DNAJC5: variants seen among roughly 807,000 people sequenced by gnomAD.
DNAJC5 encodes the protein DnaJ heat shock protein family (Hsp40) member C5, also known as dnaJ homolog subfamily C member 5.
Under a neutral mutation model 23.2 loss-of-function variants are expected in DNAJC5, and 1 was observed. The ratio of observed to expected loss-of-function variants is 0.04; its 90% CI spans 0.02 to 0.20. The LOEUF is 0.20. DNAJC5 is among the 10% of genes least tolerant of loss of function. The pLI, the probability that DNAJC5 is intolerant of heterozygous loss-of-function variation, is 1.00. For missense variants in DNAJC5, 180 were observed against 267.0 expected (o/e 0.67, Z 2.27); for synonymous variants, 136 against 120.0 (o/e 1.13, Z -0.87).
chr20:63,907,535 C>T (rs1349675944), intron 1 of DNAJC5, among the ~76,000 whole-genome samples: 1 of 152,190 alleles, frequency 6.6e-6, no homozygotes, highest in Non-Finnish European at 1.5e-5. Context: ...TCAATGGCAG[C>T]TCAGACAGGT....
chr20:63,910,982 G>A (rs377742080), intron 1 of DNAJC5, among the ~76,000 whole-genome samples: 26 of 152,168 alleles, frequency 1.7e-4, no homozygotes, highest in African/African-American at 5.8e-4. Flanking sequence ...TCAATTCTTT[G>A]TATTCAAATG....
At chr20:63,912,954 C>T (rs532218823) in intron 1 of DNAJC5, among the ~76,000 whole-genome samples, 7 of 134,982 alleles carry the variant, frequency 5.2e-5, no homozygotes, top group Non-Finnish European at 6.2e-5. Flanking sequence ...TTAAGATTCC[C>T]CAGCAGGATA....
At chr20:63,908,162 C>G (rs1187875919) in intron 1 of DNAJC5, among the ~76,000 whole-genome samples, 2 of 152,190 alleles carry the variant, frequency 1.3e-5, no homozygotes, top group Admixed American at 1.3e-4. Flanking sequence ...ATTTGACTTT[C>G]GTCATAGTTG....
At chr20:63,919,122 AT>A (rs1460683382) in intron 1 of DNAJC5, among the ~76,000 whole-genome samples, 10 of 152,146 alleles carry the variant, frequency 6.6e-5, no homozygotes, top group Non-Finnish European at 1.5e-4. Context: ...CACGTATTTT[AT>A]TTTATTTTTT....
At chr20:63,924,470 T>G (rs1358990001) in intron 1 of DNAJC5, among the ~76,000 whole-genome samples, 2 of 152,206 alleles carry the variant, frequency 1.3e-5, no homozygotes, top group African/African-American at 4.8e-5. Context: ...CACTGCAGCC[T>G]CGAGCTTCTG....
chr20:63,905,361 C>T (rs2053441358), intron 1 of DNAJC5, among the ~76,000 whole-genome samples: 1 of 152,062 alleles, frequency 6.6e-6, no homozygotes, highest in South Asian at 2.1e-4. Flanking sequence ...AGTGATTGAC[C>T]CACCTCAGCC....
intron 1 of DNAJC5, among the ~76,000 whole-genome samples, chr20:63,897,020 C>T (rs2053380031): frequency 6.6e-6 from 1 of 152,124 alleles, no homozygotes; most frequent in Non-Finnish European, 1.5e-5. Flanking sequence ...TAAGGGGTGG[C>T]TTGGAAGGGT....
chr20:63,903,374 C>A (rs532382169), intron 1 of DNAJC5, among the ~76,000 whole-genome samples: 7 of 152,258 alleles, frequency 4.6e-5, no homozygotes, highest in Admixed American at 2.0e-4. Flanking sequence ...GTGGTGCGAT[C>A]TTGGCACACT....
intron 1 of DNAJC5, among the ~76,000 whole-genome samples, chr20:63,912,826 C>A (rs1216296664): frequency 1.3e-5 from 2 of 152,120 alleles, no homozygotes; most frequent in Non-Finnish European, 2.9e-5. Context: ...CCAGGATGGT[C>A]TTGATCTCCT....
In DNAJC5 at chr20:63,932,069, T is replaced by G. The variant is rs1442001510; in HGVS notation, c.*501T>G. On this transcript the variant is annotated 3_prime_UTR_variant, in exon 5 of 5. Coordinates refer to ENST00000360864, the MANE Select transcript of DNAJC5 (RefSeq NM_025219.3). The surrounding 1 kb of genome is among the most constrained non-coding windows in gnomAD (Gnocchi z 4.4). ...TGTGCTCCCAGCCTTGAGGCTGCAG[T>G]AGGACTCTGATCTCACCTGCCAGAA... 4.2e-6 allele frequency: 1 copy of G among 240,516 alleles called. No homozygotes were observed. The highest frequency in any genetic ancestry group is 1.1e-4 in the East Asian group (1 of 9,442). The allele number at this position is 240,516 out of a possible 1,614,324, so 14.9% of individuals were successfully genotyped here.
intron 1 of DNAJC5, among the ~76,000 whole-genome samples, chr20:63,917,285 T>A (rs2053521243): frequency 9.9e-6 from 1 of 101,476 alleles, no homozygotes; most frequent in Admixed American, 1.2e-4. Flanking sequence ...AGATGGAGTC[T>A]CACTCTGTTG....
intron 1 of DNAJC5, among the ~76,000 whole-genome samples, chr20:63,916,900 CCA>C (rs2053518858): frequency 6.6e-6 from 1 of 152,182 alleles, no homozygotes; most frequent in Non-Finnish European, 1.5e-5. Context: ...TTTTGCCTGA[CCA>C]CACAGGCAGT....
chr20:63,911,493 C>T (rs1183029922), intron 1 of DNAJC5, among the ~76,000 whole-genome samples: 1 of 152,188 alleles, frequency 6.6e-6, no homozygotes, highest in African/African-American at 2.4e-5. Flanking sequence ...GCTGCCATGG[C>T]TCCAGCTCAG....
intron 1 of DNAJC5, among the ~76,000 whole-genome samples, chr20:63,901,744 G>A (rs992894061): frequency 6.6e-5 from 10 of 152,238 alleles, no homozygotes; most frequent in Non-Finnish European, 1.5e-4. Context: ...TCTTTGCTGA[G>A]CAGTCCCATC....
chr20:63,929,351 C>G lies in DNAJC5; in HGVS notation c.147C>G (p.Asp49Glu). The G allele has an allele frequency of 6.2e-7, 1 of 1,614,150 alleles. No individual in the cohort carries two copies. The highest frequency in any genetic ancestry group is 1.7e-5 in the Admixed American group (1 of 60,014). Residue 49 changes from aspartate to glutamate, a missense_variant, in exon 3 of 5, where the codon GAC becomes GAG. Coordinates refer to ENST00000360864, the MANE Select transcript of DNAJC5 (RefSeq NM_025219.3). This position sits in a 1 kb window ranked among gnomAD's most constrained non-coding sequence, Gnocchi z 8.6. The stretch of plus-strand genomic sequence containing the variant: ...AATATCACCCCGACAAGAACCCCGA[C>G]AACCCGGAGGCCGCGGACAAGTTTA... ...ALKYHPDKNP[D>E]NPEAADKFKE... is the part of the protein sequence containing the mutation.
intron 1 of DNAJC5, among the ~76,000 whole-genome samples, chr20:63,907,142 G>C (rs886677211): frequency 6.6e-6 from 1 of 152,148 alleles, no homozygotes; most frequent in African/African-American, 2.4e-5. Context: ...ACCTTATTCA[G>C]AAAAGGCTTG....
chr20:63,904,713 C>T (rs1397489122), intron 1 of DNAJC5, among the ~76,000 whole-genome samples: 1 of 152,150 alleles, frequency 6.6e-6, no homozygotes, highest in African/African-American at 2.4e-5. Flanking sequence ...CTGACAGCTG[C>T]CTCCCAGTAA....
At chr20:63,912,303 CAAAAA>C (rs1053866580) in intron 1 of DNAJC5, among the ~76,000 whole-genome samples, 1 of 92,380 alleles carries the variant, frequency 1.1e-5, no homozygotes, top group African/African-American at 4.0e-5. Flanking sequence ...AATCGGTCTC[CAAAAA>C]AAAAAAAAAA....
intron 1 of DNAJC5, among the ~76,000 whole-genome samples, chr20:63,927,564 CTG>C (rs928506577): frequency 4.1e-5 from 6 of 146,064 alleles, no homozygotes; most frequent in African/African-American, 1.0e-4. Context: ...AAGAAAGAAA[CTG>C]TGTGTTCTCT....
Sources: allele counts gnomAD v4.1 joint callset (sites outside exome capture counted in the v4.1 genomes callset), GRCh38; gene constraint gnomAD v4.1.1; non-coding constraint Gnocchi (gnomAD v3.1); transcripts MANE v1.5; gene names NCBI Gene and HGNC (gene_info 2026-07-23, HGNC 2026-07-21).